The following KIAA1217 variants were observed in gnomAD, a reference collection of about 807,000 sequenced individuals.
KIAA1217 encodes the protein sickle tail protein homolog.
Under a neutral mutation model 163.9 loss-of-function variants are expected in KIAA1217, and 88 were observed. The observed-to-expected ratio is 0.54, with a 90% confidence interval of 0.45 to 0.64. The LOEUF is 0.64. Among genes scored for constraint, KIAA1217 ranks in the 30% least tolerant of loss-of-function variants. KIAA1217 has a pLI of 0.00. For synonymous variants in KIAA1217, 903 were observed against 923.1 expected (o/e 0.98, Z 0.39); for missense variants, 2,372 against 2,475.0 (o/e 0.96, Z 0.88).
chr10:24,284,775 C>G (rs2078364817), intron 2 of KIAA1217, among the ~76,000 whole-genome samples: 1 of 152,144 alleles, frequency 6.6e-6, no homozygotes, highest in South Asian at 2.1e-4. Context: ...ATTGCTAGGT[C>G]AAATGGTAAT....
At chr10:24,182,050 C>T (rs1440759363) in intron 2 of KIAA1217, among the ~76,000 whole-genome samples, 4 of 152,182 alleles carry the variant, frequency 2.6e-5, no homozygotes, top group Non-Finnish European at 5.9e-5. Flanking sequence ...ATGTGTTTAT[C>T]TACCAAAAGG....
chr10:23,768,302 A>G (rs1035467632), intron 1 of KIAA1217, among the ~76,000 whole-genome samples: 2 of 152,194 alleles, frequency 1.3e-5, no homozygotes, highest in Admixed American at 1.3e-4. Flanking sequence ...GGACACAGTG[A>G]CTTTGGAAAC....
intron 1 of KIAA1217, among the ~76,000 whole-genome samples, chr10:23,887,625 C>G (rs1408915921): frequency 1.3e-5 from 2 of 151,768 alleles, no homozygotes; most frequent in African/African-American, 4.8e-5. Context: ...TTCTCGGTTT[C>G]TTTTAAATAA....
rs1838087757 is a variant in KIAA1217 at position 23,829,796 on chromosome 10, C to A, written c.-321+134562C>A. 2.6e-5 allele frequency among the ~76,000 whole-genome samples: 4 copies of A among 152,102 alleles called. No individual in the cohort carries two copies. In the South Asian group the frequency reaches 8.3e-4, roughly 31 times the overall value. On this transcript the variant is annotated intron_variant, in intron 1 of 18. Transcript: ENST00000376462. ...CTTGGATAGCAAGGGGTTAACAATG[C>A]CTTGCATAGTTGTTAGGCATTTCAA...
chr10:24,366,714 C>T (rs942001701), intron 2 of KIAA1217, among the ~76,000 whole-genome samples: 4 of 152,144 alleles, frequency 2.6e-5, no homozygotes, highest in African/African-American at 2.4e-5. Flanking sequence ...CCAGTGAGCC[C>T]GGGGCCAGTG....
In KIAA1217 at chr10:23,982,314, C is replaced by A. The variant is rs188300278; in HGVS notation, c.-320-24911C>A. ...TCAGTAGTGGAATCAGCATTAGCAC[C>A]CAGTTTGCCTAACTCTAGTCTAGGG... On this transcript the variant is annotated intron_variant, in intron 1 of 18. Transcript: ENST00000376462. Among the ~76,000 whole-genome samples the A allele has an allele frequency of 2.6e-5, 4 of 152,036 alleles. No individual in the cohort carries two copies. In the East Asian group the frequency reaches 7.8e-4, roughly 30 times the overall value.
At chr10:24,498,108 T>G (rs2067047333) in intron 8 of KIAA1217, among the ~76,000 whole-genome samples, 1 of 152,144 alleles carries the variant, frequency 6.6e-6, no homozygotes, top group African/African-American at 2.4e-5. Flanking sequence ...TATGTGGATC[T>G]GAAGATGATT....
intron 2 of KIAA1217, among the ~76,000 whole-genome samples, chr10:24,062,709 G>T (rs933474382): frequency 1.4e-4 from 21 of 151,830 alleles, no homozygotes; most frequent in Non-Finnish European, 2.2e-4. Flanking sequence ...CTGAGGAATC[G>T]CCACACTGAC....
At chr10:23,945,128 A>G (rs1454422228) in intron 1 of KIAA1217, among the ~76,000 whole-genome samples, 1 of 152,002 alleles carries the variant, frequency 6.6e-6, no homozygotes, top group East Asian at 1.9e-4. Flanking sequence ...ATATTTGACA[A>G]CAACACACAC....
intron 1 of KIAA1217, among the ~76,000 whole-genome samples, chr10:23,790,672 A>G (rs996702742): frequency 3.9e-5 from 5 of 127,960 alleles, no homozygotes; most frequent in African/African-American, 1.9e-4. Flanking sequence ...CATATATATC[A>G]TATATATAAT....
At chr10:24,403,376 T>A (rs1299480463) in intron 3 of KIAA1217, among the ~76,000 whole-genome samples, 1 of 152,146 alleles carries the variant, frequency 6.6e-6, no homozygotes, top group Non-Finnish European at 1.5e-5. Context: ...ATAGCTGGGA[T>A]TACAGACATG....
At chr10:24,305,422 A>G (rs1181398255) in intron 2 of KIAA1217, among the ~76,000 whole-genome samples, 2 of 152,210 alleles carry the variant, frequency 1.3e-5, no homozygotes, top group African/African-American at 4.8e-5. Context: ...GACCACAGAC[A>G]TCTGAGCATT....
chr10:24,092,152 C>G (rs1417284721), intron 2 of KIAA1217, among the ~76,000 whole-genome samples: 1 of 151,700 alleles, frequency 6.6e-6, no homozygotes, highest in African/African-American at 2.4e-5. Context: ...TCTTTTAACT[C>G]TGACAACCCT....
chr10:23,895,466 T>A (rs1487387007), intron 1 of KIAA1217, among the ~76,000 whole-genome samples: 1 of 152,108 alleles, frequency 6.6e-6, no homozygotes, highest in Non-Finnish European at 1.5e-5. Flanking sequence ...CCAGTTAGAA[T>A]GGCAATCATT....
At chr10:24,282,849 TTC>T (rs1338056105) in intron 2 of KIAA1217, among the ~76,000 whole-genome samples, 2 of 147,156 alleles carry the variant, frequency 1.4e-5, no homozygotes, top group African/African-American at 2.5e-5. Context: ...TTTTTTTTTT[TTC>T]AGACGGAGTT....
chr10:24,427,306 C>A (rs951423609), intron 3 of KIAA1217, among the ~76,000 whole-genome samples: 36 of 152,000 alleles, frequency 2.4e-4, no homozygotes, highest in Non-Finnish European at 1.5e-5. Flanking sequence ...GAGCTGCACC[C>A]AGCACGCTTC....
intron 2 of KIAA1217, among the ~76,000 whole-genome samples, chr10:24,093,436 T>C (rs2062019096): frequency 6.6e-6 from 1 of 151,572 alleles, no homozygotes; most frequent in African/African-American, 2.4e-5. Context: ...CCTCTCAAAG[T>C]GCTGGGATTA....
intron 1 of KIAA1217, among the ~76,000 whole-genome samples, chr10:23,844,625 C>A (rs531252773): frequency 2.1e-4 from 32 of 152,124 alleles, no homozygotes; most frequent in African/African-American, 7.2e-4. Context: ...TCTTTTGTTC[C>A]TTCCTTGTCA....
intron 1 of KIAA1217, among the ~76,000 whole-genome samples, chr10:23,761,738 G>T: frequency 6.6e-6 from 1 of 152,070 alleles, no homozygotes; most frequent in African/African-American, 2.4e-5. Context: ...CTTTTGATTT[G>T]GGGTACAGAG....
Sources: allele counts gnomAD v4.1 joint callset (sites outside exome capture counted in the v4.1 genomes callset), GRCh38; gene constraint gnomAD v4.1.1; transcripts MANE v1.5; gene names NCBI Gene and HGNC (gene_info 2026-07-23, HGNC 2026-07-21).